The following COX10 variants were observed in gnomAD, a reference collection of about 807,000 sequenced individuals.
COX10 encodes the protein cytochrome c oxidase assembly factor heme A:farnesyltransferase COX10.
COX10 carries 27 observed loss-of-function variants against 37.3 expected under a neutral mutation model. That is an observed-to-expected ratio of 0.72 (90% CI 0.53 to 1.00). The LOEUF (loss-of-function observed/expected upper bound fraction) is 1.00. Ranked by LOEUF, COX10 falls within the 50% of genes least tolerant of loss-of-function variation. The pLI, the probability that COX10 is intolerant of heterozygous loss-of-function variation, is 0.00. For synonymous variants in COX10, 222 were observed against 229.1 expected, an observed-to-expected ratio of 0.97 and a Z score of 0.28; for missense variants, 475 against 563.2, an observed-to-expected ratio of 0.84 and a Z score of 1.59.
At chr17:14,135,907 A>G (rs1241478786) in intron 4 of COX10, among the ~76,000 whole-genome samples, 4 of 152,096 alleles carry the variant, frequency 2.6e-5, no homozygotes, top group East Asian at 1.9e-4. Flanking sequence ...TGCTCTGTCA[A>G]TAGTTGTGTT....
chr17:14,074,905 C>A (rs553211162), intron 2 of COX10, among the ~76,000 whole-genome samples: 1 of 152,196 alleles, frequency 6.6e-6, no homozygotes, highest in South Asian at 2.1e-4. Flanking sequence ...TCAAACAATT[C>A]GACAGTTTTT....
At chr17:14,120,127 G>A (rs1464043642) in intron 4 of COX10, among the ~76,000 whole-genome samples, 1 of 152,160 alleles carries the variant, frequency 6.6e-6, no homozygotes, top group Non-Finnish European at 1.5e-5. Context: ...ACAAAATTAG[G>A]TGGATAGTGA....
chr17:14,182,456 A>G (rs1396896630), intron 5 of COX10, among the ~76,000 whole-genome samples: 4 of 151,954 alleles, frequency 2.6e-5, no homozygotes, highest in African/African-American at 7.3e-5. Flanking sequence ...CATTTTCTTC[A>G]CAATTTCCTT....
intron 5 of COX10, among the ~76,000 whole-genome samples, chr17:14,181,583 G>A (rs568912741): frequency 1.3e-5 from 2 of 152,008 alleles, no homozygotes; most frequent in East Asian, 3.9e-4. Context: ...ACCCTATTTG[G>A]TGCAGGTGAA....
chr17:14,166,836 A>G lies in COX10; in HGVS notation c.695+6889A>G, dbSNP rs571471163. On this transcript the variant is annotated intron_variant, in intron 5 of 6. Coordinates refer to ENST00000261643, the MANE Select transcript of COX10 (RefSeq NM_001303.4). ...TTTTTAGTAGAGATGGGGTTTCACC[A>G]TGTTGGTCAGGCTGGTCTCGAACTC... is the stretch of plus-strand genomic sequence containing the variant. Among the ~76,000 whole-genome samples, 18 of 124,064 alleles carry G rather than the reference A, an allele frequency of 1.5e-4. 1 individual carries two copies. In the South Asian group the frequency reaches 4.2e-3, roughly 29 times the overall value. 81.4% of individuals were successfully genotyped at this position (124,064 alleles called of 152,430 possible).
intron 6 of COX10, among the ~76,000 whole-genome samples, chr17:14,193,200 G>A (rs1186302258): frequency 1.3e-5 from 2 of 152,226 alleles, no homozygotes; most frequent in Non-Finnish European, 2.9e-5. Context: ...TGGTGAGCAA[G>A]GAAGCCGGCG....
intron 4 of COX10, among the ~76,000 whole-genome samples, chr17:14,127,917 G>A (rs941321545): frequency 1.6e-5 from 2 of 123,528 alleles, no homozygotes; most frequent in Non-Finnish European, 3.5e-5. Context: ...GAATCTTTAA[G>A]AGTGTGTGTA....
intron 1 of COX10, among the ~76,000 whole-genome samples, chr17:14,071,568 A>G (rs1488791046): frequency 6.6e-6 from 1 of 151,948 alleles, no homozygotes; most frequent in Admixed American, 6.6e-5. Flanking sequence ...AAAAGTTCTA[A>G]GTATTTTACA....
chr17:14,072,782 C>G (rs1407369528), intron 1 of COX10, among the ~76,000 whole-genome samples: 2 of 152,162 alleles, frequency 1.3e-5, no homozygotes, highest in African/African-American at 4.8e-5. Flanking sequence ...TTCTCCTTCC[C>G]ATAGTCCAGG....
intron 3 of COX10, among the ~76,000 whole-genome samples, chr17:14,081,982 C>T (rs752055680): frequency 2.0e-5 from 3 of 152,094 alleles, no homozygotes; most frequent in Non-Finnish European, 4.4e-5. Flanking sequence ...CTGGCATATC[C>T]AGGTGGAGAG....
At chr17:14,111,059 C>G (rs536187970) in intron 4 of COX10, among the ~76,000 whole-genome samples, 77 of 152,240 alleles carry the variant, frequency 5.1e-4, no homozygotes, top group African/African-American at 1.8e-3. Context: ...TTAACCCAGA[C>G]TACCTTTTGA....
chr17:14,130,710 A>G (rs977794168), intron 4 of COX10, among the ~76,000 whole-genome samples: 1 of 151,938 alleles, frequency 6.6e-6, no homozygotes, highest in East Asian at 1.9e-4. Context: ...TCTTCATCAT[A>G]TGCATTTCCA....
At chr17:14,200,085 A>G (rs1054959623) in intron 6 of COX10, among the ~76,000 whole-genome samples, 5 of 146,186 alleles carry the variant, frequency 3.4e-5, no homozygotes, top group South Asian at 2.5e-4. Context: ...GTGAGTGACA[A>G]TGGGTTTGGG....
Position 14,192,030 on chromosome 17 carries a change from C to A in COX10, c.737C>A (p.Pro246Gln), listed in dbSNP as rs369322304. ...AVSFATCCAV[P>Q]GVAILTLGVN... The stretch of plus-strand genomic sequence containing the variant: ...TCCTTTGCCACTTGTTGTGCTGTTC[C>A]GGGAGTTGCCATTCTGACCTTGGGG... The change falls in exon 6 of 7, where the codon CCG becomes CAG. Residue 246 changes from proline (P) to glutamine (Q), a missense_variant. By Grantham distance (76) the Pro-to-Gln change is moderately conservative. Coordinates refer to ENST00000261643, the MANE Select transcript of COX10 (RefSeq NM_001303.4). The A allele has an allele frequency of 1.2e-6, 2 of 1,614,136 alleles. No homozygotes were observed. The highest frequency in any genetic ancestry group is 1.7e-6 in the Non-Finnish European group (2 of 1,180,036).
At chr17:14,071,918 T>G (rs1915034604) in intron 1 of COX10, among the ~76,000 whole-genome samples, 1 of 151,738 alleles carries the variant, frequency 6.6e-6, no homozygotes, top group African/African-American at 2.4e-5. Flanking sequence ...AAAAAAAAAT[T>G]AAAAATGTCA....
At chr17:14,192,456 A>G (rs1906236465) in intron 6 of COX10, among the ~76,000 whole-genome samples, 2 of 152,220 alleles carry the variant, frequency 1.3e-5, no homozygotes, top group South Asian at 4.1e-4. Context: ...CTGGGAGAAA[A>G]AAAAGGAAGC....
At chr17:14,172,467 G>A (rs1905503911) in intron 5 of COX10, among the ~76,000 whole-genome samples, 2 of 151,912 alleles carry the variant, frequency 1.3e-5, no homozygotes. Flanking sequence ...TCTGACTGGG[G>A]TAAAATGATA....
At chr17:14,172,071 G>A (rs868566578) in intron 5 of COX10, among the ~76,000 whole-genome samples, 1 of 152,070 alleles carries the variant, frequency 6.6e-6, no homozygotes, top group Non-Finnish European at 1.5e-5. Flanking sequence ...GCACATCCCA[G>A]CTGACTTCTC....
chr17:14,179,980 G>A (rs566646728), intron 5 of COX10, among the ~76,000 whole-genome samples: 1 of 152,308 alleles, frequency 6.6e-6, no homozygotes, highest in East Asian at 1.9e-4. Flanking sequence ...TGAATGGATT[G>A]TTTAGTTGGC....
Sources: gnomAD v4.1 joint callset for allele counts (sites outside exome capture counted in the v4.1 genomes callset) on GRCh38, gnomAD v4.1.1 for gene constraint, MANE v1.5 for transcripts, NCBI Gene and HGNC (gene_info 2026-07-23, HGNC 2026-07-21) for gene names.